Variants in CASZ1 observed in about 807,000 individuals in gnomAD.
CASZ1 encodes the protein castor zinc finger 1.
In CASZ1, 28 loss-of-function variants were observed where a neutral mutation model predicts 135.2. That is an observed-to-expected ratio of 0.21 (90% CI 0.15 to 0.28). The LOEUF (loss-of-function observed/expected upper bound fraction) is 0.28. Ranked by LOEUF, CASZ1 falls within the 10% of genes least tolerant of loss-of-function variation. The pLI is 1.00. For missense variants in CASZ1, 2,161 were observed against 2,453.3 expected (o/e 0.88, Z 2.52); for synonymous variants, 1,068 against 1,073.4 (o/e 0.99, Z 0.10).
At chr1:10,766,399 G>T (rs1254380124) in intron 1 of CASZ1, among the ~76,000 whole-genome samples, 1 of 152,184 alleles carries the variant, frequency 6.6e-6, no homozygotes, top group Non-Finnish European at 1.5e-5. Context: ...AGTAAAATGG[G>T]GATAAAGATA....
rs1639605635 is a variant in CASZ1, at chr1:10,726,781, A to G, written c.-76-21237T>C. Among the ~76,000 whole-genome samples, 1 of 152,238 alleles carries G rather than the reference A, an allele frequency of 6.6e-6. No individual in the cohort carries two copies. The highest frequency in any genetic ancestry group is 6.5e-5 in the Admixed American group (1 of 15,298). On this transcript the variant is annotated intron_variant, in intron 2 of 20. Coordinates refer to ENST00000377022, the MANE Select transcript of CASZ1 (RefSeq NM_001079843.3). This position sits in a 1 kb window ranked among gnomAD's most constrained non-coding sequence, Gnocchi z 5.7. The stretch of plus-strand genomic sequence containing the variant: ...TCCCTGGGGGGTCCTTGCTGCAGCA[A>G]TCACCCAGGCCCTGAAGAGAGGCCA...
At position 10,706,185 on chromosome 1, in the gene CASZ1, G is replaced by A. The variant is rs1028444424; in HGVS notation, c.-76-641C>T. On this transcript the variant is annotated intron_variant, in intron 2 of 20. Coordinates refer to ENST00000377022, the MANE Select transcript of CASZ1 (RefSeq NM_001079843.3). The surrounding 1 kb of genome is among the most constrained non-coding windows in gnomAD (Gnocchi z 4.3). ...ATGTCCAGAGACCGTGCAGGGAGAG[G>A]GACGATGGTCAGACAACGTGGAGGC... Among the ~76,000 whole-genome samples the A allele has an allele frequency of 6.6e-6, 1 of 152,200 alleles. No individual in the cohort carries two copies. The highest frequency in any genetic ancestry group is 1.5e-5 in the Non-Finnish European group (1 of 68,024).
In CASZ1 at chr1:10,700,905, T is replaced by C. The variant is rs544090834; in HGVS notation, c.-24+4587A>G. On this transcript the variant is annotated intron_variant, in intron 3 of 20. Coordinates refer to ENST00000377022, the MANE Select transcript of CASZ1 (RefSeq NM_001079843.3). This position sits in a 1 kb window ranked among gnomAD's most constrained non-coding sequence, Gnocchi z 4.2. ...TTAAAAAGGTGAATTTTATGGTATA[T>C]GAATGATATCTCAATAAAGCGGTTA... 1.3e-5 allele frequency among the ~76,000 whole-genome samples: 2 copies of C among 152,188 alleles called. No individual in the cohort carries two copies. Among genetic ancestry groups the C allele is most frequent in the Admixed American group, 6.5e-5 (1 of 15,286 alleles).
chr1:10,796,243 G>A (rs974421380), intron 1 of CASZ1, among the ~76,000 whole-genome samples: 2 of 151,814 alleles, frequency 1.3e-5, no homozygotes, highest in Non-Finnish European at 2.9e-5. Flanking sequence ...GCGACCCCCA[G>A]GAGGAGCAGC....
Position 10,720,294 on chromosome 1 carries a change from T to C in CASZ1, c.-76-14750A>G, listed in dbSNP as rs1419698620. On this transcript the variant is annotated intron_variant, in intron 2 of 20. Coordinates refer to ENST00000377022, the MANE Select transcript of CASZ1 (RefSeq NM_001079843.3). This position sits in a 1 kb window ranked among gnomAD's most constrained non-coding sequence, Gnocchi z 5.7. ...GTGGAAAATGTGGTGCCAGTCATCA[T>C]TGTGATCATTGTCATCATCATCGCC... Among the ~76,000 whole-genome samples the C allele has an allele frequency of 6.6e-6, 1 of 152,268 alleles. No individual in the cohort carries two copies. Among genetic ancestry groups the C allele is most frequent in the Admixed American group, 6.5e-5 (1 of 15,292 alleles).
chr1:10,638,929 C>A lies in CASZ1; in HGVS notation c.*13G>T, dbSNP rs1000105471. Reference sequence around the variant, plus strand: ...GAGGCCGAGGCCGCCGCCAGGGCCACCCGCGGGCGCCGCTAGGGCGAGGAG... The same window carrying A: ...GAGGCCGAGGCCGCCGCCAGGGCCAACCGCGGGCGCCGCTAGGGCGAGGAG... On this transcript the variant is annotated 3_prime_UTR_variant, in exon 21 of 21. Coordinates refer to ENST00000377022, the MANE Select transcript of CASZ1 (RefSeq NM_001079843.3). The surrounding 1 kb of genome is among the most constrained non-coding windows in gnomAD (Gnocchi z 5.9). 16 of 980,314 alleles carry A rather than the reference C, an allele frequency of 1.6e-5. No homozygotes were observed. In the African/African-American group the frequency reaches 2.8e-4, roughly 17 times the overall value. 60.7% of individuals were successfully genotyped at this position (980,314 alleles called of 1,614,324 possible).
chr1:10,653,933 C>T lies in CASZ1; in HGVS notation c.2124G>A (p.Ser708=), dbSNP rs144114370. Residue 708 remains serine (S), a synonymous_variant, in exon 11 of 21, where the codon TCG becomes TCA. Transcript: ENST00000377022. The part of the protein sequence containing the change: ...RSSGALGLPP[S]LLGAKDTEHE... ...GCTCCGTGTCCTTGGCGCCCAGCAG[C>T]GAGGGCGGCAGCCCCAGCGCGCCCG... 5.6e-5 allele frequency: 90 copies of T among 1,613,436 alleles called. No homozygotes were observed. Among genetic ancestry groups the T allele is most frequent in the Non-Finnish European group, 7.2e-5 (85 of 1,179,732 alleles).
chr1:10,642,686 T>C (rs1317149959), intron 20 of CASZ1, among the ~76,000 whole-genome samples, 173 bp downstream of exon 20: 1 of 151,964 alleles, frequency 6.6e-6, no homozygotes, highest in Non-Finnish European at 1.5e-5. Context: ...GGCGGGAGGA[T>C]GGCGGGAGGG....
At chr1:10,770,797 T>C (rs1395858507) in intron 1 of CASZ1, among the ~76,000 whole-genome samples, 1 of 152,246 alleles carries the variant, frequency 6.6e-6, no homozygotes, top group East Asian at 1.9e-4. Context: ...AAGAAGGCAG[T>C]AGGCCAGGGG....
chr1:10,773,668 C>A (rs1640613245), intron 1 of CASZ1, among the ~76,000 whole-genome samples: 1 of 152,058 alleles, frequency 6.6e-6, no homozygotes, highest in African/African-American at 2.4e-5. Flanking sequence ...ACGGGCTCCC[C>A]CAAACCAAGC....
chr1:10,708,639 TCTC>T (rs1639222626), intron 2 of CASZ1, among the ~76,000 whole-genome samples: 1 of 151,992 alleles, frequency 6.6e-6, no homozygotes, highest in South Asian at 2.1e-4. Flanking sequence ...ATCCAGCCCT[TCTC>T]CTGGCCGGTT....
In CASZ1 at chr1:10,701,798, C is replaced by CG. The variant is rs1478966263; in HGVS notation, c.-24+3693dup. Among the ~76,000 whole-genome samples, 1 of 152,082 alleles carries CG rather than the reference C, an allele frequency of 6.6e-6. No individual in the cohort carries two copies. Among genetic ancestry groups the CG allele is most frequent in the Non-Finnish European group, 1.5e-5 (1 of 68,000 alleles). ...TGAGCCCCTAGGACCAGGCAGCTGA[C>CG]GGGGGGCTGGCTTTCCTGCCTCCTG... On this transcript the variant is annotated intron_variant, in intron 3 of 20. Transcript: ENST00000377022. The surrounding 1 kb of genome is among the most constrained non-coding windows in gnomAD (Gnocchi z 6.3).
rs747928407 is a variant in CASZ1 at position 10,649,109 on chromosome 1, G to A, written c.3119C>T (p.Ala1040Val). 3.7e-6 allele frequency: 6 copies of A among 1,613,478 alleles called. No homozygotes were observed. The highest frequency in any genetic ancestry group is 1.1e-5 in the South Asian group (1 of 91,080). ...HFHCVVEECGALFSTLDGAIK... is the reference protein window; with the variant it reads ...HFHCVVEECGVLFSTLDGAIK... ...GGCCCCGTCCAAGGTGCTGAAGAGCGCGCCGCATTCCTCCACCACGCAGTG... is the reference window on the plus strand; with the variant it reads ...GGCCCCGTCCAAGGTGCTGAAGAGCACGCCGCATTCCTCCACCACGCAGTG... Residue 1040 changes from alanine (A) to valine (V), a missense_variant, in exon 15 of 21, where the codon GCG becomes GTG. Around this residue, in one of 7 missense-constraint regions of CASZ1, gnomAD observed 349 missense variants for 460.8 expected, o/e 0.76. Transcript: ENST00000377022.
rs1337288133 is a variant in CASZ1, at chr1:10,700,151, G to T, written c.-24+5341C>A. On this transcript the variant is annotated intron_variant, in intron 3 of 20. Coordinates refer to ENST00000377022, the MANE Select transcript of CASZ1 (RefSeq NM_001079843.3). This position sits in a 1 kb window ranked among gnomAD's most constrained non-coding sequence, Gnocchi z 4.2. Reference sequence around the variant, plus strand: ...AGCAGGGACCTGGGCTAGTTGGGTTGCCCTGTGGGCCTGGCCCAGCCTGTG... The same window carrying T: ...AGCAGGGACCTGGGCTAGTTGGGTTTCCCTGTGGGCCTGGCCCAGCCTGTG... 6.7e-6 allele frequency among the ~76,000 whole-genome samples: 1 copy of T among 148,394 alleles called. No individual in the cohort carries two copies. Among genetic ancestry groups the T allele is most frequent in the African/African-American group, 2.5e-5 (1 of 39,930 alleles).
In CASZ1 at chr1:10,747,147, A is replaced by T. The variant is rs1640059396; in HGVS notation, c.-77+13554T>A. Among the ~76,000 whole-genome samples the T allele has an allele frequency of 6.6e-6, 1 of 152,216 alleles. No homozygotes were observed. Among genetic ancestry groups the T allele is most frequent in the East Asian group, 1.9e-4 (1 of 5,198 alleles). The stretch of plus-strand genomic sequence containing the variant: ...GCACACACAGACCCTTTGCCCCAGG[A>T]GGCTCCAGCTACTCCACCAGCTACC... On this transcript the variant is annotated intron_variant, in intron 2 of 20. Coordinates refer to ENST00000377022, the MANE Select transcript of CASZ1 (RefSeq NM_001079843.3). The surrounding 1 kb of genome is among the most constrained non-coding windows in gnomAD (Gnocchi z 4.3).
rs2100496123 is a variant in CASZ1, at chr1:10,726,082, C to T, written c.-76-20538G>A. Among the ~76,000 whole-genome samples the T allele has an allele frequency of 6.6e-6, 1 of 152,292 alleles. No homozygotes were observed. The highest frequency in any genetic ancestry group is 6.5e-5 in the Admixed American group (1 of 15,288). Reference sequence around the variant, plus strand: ...TTGATGCCTCCAACCACCTATGGGGCAGGGCCTATACTATCACCACCACCA... The same window carrying T: ...TTGATGCCTCCAACCACCTATGGGGTAGGGCCTATACTATCACCACCACCA... On this transcript the variant is annotated intron_variant, in intron 2 of 20. Transcript: ENST00000377022. This position sits in a 1 kb window ranked among gnomAD's most constrained non-coding sequence, Gnocchi z 5.7.
Position 10,653,783 on chromosome 1 carries a change from G to A in CASZ1, c.2274C>T (p.Thr758=), listed in dbSNP as rs752095854. 39 of 1,610,772 alleles carry A rather than the reference G, an allele frequency of 2.4e-5. 1 individual carries two copies. Among genetic ancestry groups the A allele is most frequent in the South Asian group, 1.2e-4 (11 of 90,758 alleles). Residue 758 remains threonine, a synonymous_variant, in exon 11 of 21, where the codon ACC becomes ACT. Transcript: ENST00000377022. ...SASLAAATAA[T]EAGPSATKPP... is the part of the protein sequence containing the mutation. Reference sequence around the variant, plus strand: ...GTTTGGTGGCACTGGGCCCAGCCTCGGTGGCGGCAGTGGCGGCAGCCAGGG... The same window carrying A: ...GTTTGGTGGCACTGGGCCCAGCCTCAGTGGCGGCAGTGGCGGCAGCCAGGG...
chr1:10,645,118 G>C, intron 17 of CASZ1, 30 bp from the exon 18 acceptor site: 1 of 1,601,852 alleles, frequency 6.2e-7, no homozygotes, highest in East Asian at 2.2e-5. Context: ...GGTCAGGACA[G>C]GCGGGTGACT....
chr1:10,732,920 G>T (rs1471586741), intron 2 of CASZ1, among the ~76,000 whole-genome samples: 1 of 152,110 alleles, frequency 6.6e-6, no homozygotes, highest in East Asian at 1.9e-4. Context: ...CCTTCCCAGG[G>T]ACGTGTTAAT....
Sources: allele counts gnomAD v4.1 joint callset (sites outside exome capture counted in the v4.1 genomes callset), GRCh38; gene constraint gnomAD v4.1.1; regional missense constraint gnomAD v4.1.1; non-coding constraint Gnocchi (gnomAD v3.1); transcripts MANE v1.5; gene names NCBI Gene and HGNC (gene_info 2026-07-23, HGNC 2026-07-21).